Variants in LRFN2 observed in about 807,000 individuals in gnomAD.
The protein encoded by LRFN2 is leucine rich repeat and fibronectin type III domain containing 2, also known as leucine-rich repeat and fibronectin type-III domain-containing protein 2.
LRFN2 carries 18 observed loss-of-function variants against 37.3 expected under a neutral mutation model. That is an observed-to-expected ratio of 0.48 (90% CI 0.33 to 0.72). LRFN2 has a LOEUF of 0.72. LRFN2 is among the 30% of genes least tolerant of loss of function. The pLI is 0.02. For synonymous variants in LRFN2, 556 were observed against 466.6 expected (o/e 1.19, Z -2.47); for missense variants, 1,006 against 1,060.7 (o/e 0.95, Z 0.72).
At chr6:40,503,526 G>A (rs191027355) in intron 1 of LRFN2, among the ~76,000 whole-genome samples, 100 of 152,310 alleles carry the variant, frequency 6.6e-4, no homozygotes, top group African/African-American at 2.2e-3. Flanking sequence ...TAGCGTTTGG[G>A]GACTTTTAAG....
At chr6:40,458,564 T>C (rs913545953) in intron 1 of LRFN2, among the ~76,000 whole-genome samples, 2 of 152,182 alleles carry the variant, frequency 1.3e-5, no homozygotes, top group African/African-American at 4.8e-5. Flanking sequence ...AGCAGTGAGA[T>C]AGAGCAGAAT....
chr6:40,566,972 AC>A (rs1318719346), intron 1 of LRFN2, among the ~76,000 whole-genome samples: 1 of 152,182 alleles, frequency 6.6e-6, no homozygotes, highest in Admixed American at 6.5e-5. Context: ...AAAGAGAACC[AC>A]TTAAAGTATG....
chr6:40,530,874 C>A (rs1166713608), intron 1 of LRFN2, among the ~76,000 whole-genome samples: 1 of 152,130 alleles, frequency 6.6e-6, no homozygotes, highest in Non-Finnish European at 1.5e-5. Flanking sequence ...GCTGCTTCTC[C>A]CTTTGCCTTC....
chr6:40,456,569 T>C lies in LRFN2; in HGVS notation c.-18-23438A>G, dbSNP rs9462622. Among the ~76,000 whole-genome samples, 1,409 of 152,362 alleles carry C rather than the reference T, an allele frequency of 9.2e-3. 28 individuals carry two copies. The highest frequency in any genetic ancestry group is 0.032 in the African/African-American group (1,326 of 41,580). Reference sequence around the variant, plus strand: ...TGATCGTGCTGCTGCTGCGTGGCAATGCCTTGTGTTTGCACAGCCCTTTAA... The same window carrying C: ...TGATCGTGCTGCTGCTGCGTGGCAACGCCTTGTGTTTGCACAGCCCTTTAA... On this transcript the variant is annotated intron_variant, in intron 1 of 2. Transcript: ENST00000338305.
At chr6:40,488,561 A>G (rs886177467) in intron 1 of LRFN2, among the ~76,000 whole-genome samples, 1 of 152,128 alleles carries the variant, frequency 6.6e-6, no homozygotes, top group Admixed American at 6.5e-5. Context: ...ACCACACCTT[A>G]GGCAGCTGCC....
At chr6:40,413,932 A>G (rs183201593) in intron 2 of LRFN2, among the ~76,000 whole-genome samples, 79 of 152,228 alleles carry the variant, frequency 5.2e-4, no homozygotes, top group Middle Eastern at 6.8e-3. Flanking sequence ...GGTTGTTAGT[A>G]GATTGGGCGA....
chr6:40,483,990 G>C (rs529692864), intron 1 of LRFN2, among the ~76,000 whole-genome samples: 1 of 152,066 alleles, frequency 6.6e-6, no homozygotes, highest in Non-Finnish European at 1.5e-5. Flanking sequence ...CCAGGAGTGC[G>C]GGCTGTCTTA....
chr6:40,404,229 C>T (rs1199296143), intron 2 of LRFN2, among the ~76,000 whole-genome samples: 1 of 152,144 alleles, frequency 6.6e-6, no homozygotes, highest in Non-Finnish European at 1.5e-5. Context: ...TTGTCTTTCT[C>T]TCTGTCTACT....
At chr6:40,547,580 G>C (rs934439827) in intron 1 of LRFN2, among the ~76,000 whole-genome samples, 1 of 152,084 alleles carries the variant, frequency 6.6e-6, no homozygotes, top group African/African-American at 2.4e-5. Context: ...CATTGTCCAG[G>C]AGGCTGGTCA....
chr6:40,414,351 C>T (rs1763048297), intron 2 of LRFN2, among the ~76,000 whole-genome samples: 1 of 152,174 alleles, frequency 6.6e-6, no homozygotes, highest in Non-Finnish European at 1.5e-5. Context: ...ACACCTCGGG[C>T]AGGCTTCTTC....
At chr6:40,427,771 C>T (rs1581696929) in intron 2 of LRFN2, among the ~76,000 whole-genome samples, 1 of 152,318 alleles carries the variant, frequency 6.6e-6, no homozygotes, top group East Asian at 1.9e-4. Flanking sequence ...CCTTTCCTGT[C>T]TTAGGCATCT....
chr6:40,464,090 T>A (rs1302946514), intron 1 of LRFN2, among the ~76,000 whole-genome samples: 1 of 152,200 alleles, frequency 6.6e-6, no homozygotes, highest in Non-Finnish European at 1.5e-5. Flanking sequence ...GTTCCACCAA[T>A]TCCCAGCTCA....
intron 2 of LRFN2, among the ~76,000 whole-genome samples, chr6:40,424,087 A>G (rs2113816959): frequency 6.6e-6 from 1 of 152,326 alleles, no homozygotes; most frequent in East Asian, 1.9e-4. Flanking sequence ...TGATGCCTCT[A>G]GCAACTTTGT....
At chr6:40,519,335 A>G (rs1290829892) in intron 1 of LRFN2, among the ~76,000 whole-genome samples, 2 of 152,206 alleles carry the variant, frequency 1.3e-5, no homozygotes, top group African/African-American at 2.4e-5. Context: ...GGACTCAAAC[A>G]CTGGTATGGT....
intron 1 of LRFN2, among the ~76,000 whole-genome samples, chr6:40,490,650 G>T (rs1419366832): frequency 1.3e-5 from 2 of 152,162 alleles, no homozygotes; most frequent in African/African-American, 4.8e-5. Flanking sequence ...ACAGCATATG[G>T]CCCACTCTTA....
intron 1 of LRFN2, among the ~76,000 whole-genome samples, chr6:40,435,379 C>T (rs992863690): frequency 7.2e-5 from 11 of 151,838 alleles, no homozygotes; most frequent in African/African-American, 1.7e-4. Context: ...AGGCTGGTCT[C>T]GAACTTCTGG....
chr6:40,465,468 C>T (rs2099825200), intron 1 of LRFN2, among the ~76,000 whole-genome samples: 1 of 152,186 alleles, frequency 6.6e-6, no homozygotes, highest in African/African-American at 2.4e-5. Flanking sequence ...GCTTCTTGCC[C>T]TTCCTGCTCT....
At position 40,561,105 on chromosome 6, in the gene LRFN2, C is replaced by T. The variant is rs183299317; in HGVS notation, c.-19+25836G>A. ...GGTACCTTCAATGGGACCTCAGAGA[C>T]ATTGCAGTTTCTAGGGCCATGAGGT... On this transcript the variant is annotated intron_variant, in intron 1 of 2. Transcript: ENST00000338305. Among the ~76,000 whole-genome samples, 118 of 152,302 alleles carry T rather than the reference C, an allele frequency of 7.7e-4. 1 individual carries two copies. Among genetic ancestry groups the T allele is most frequent in the African/African-American group, 2.6e-3 (107 of 41,572 alleles).
At chr6:40,563,752 T>C (rs1211728805) in intron 1 of LRFN2, among the ~76,000 whole-genome samples, 8 of 152,142 alleles carry the variant, frequency 5.3e-5, no homozygotes, top group African/African-American at 1.7e-4. Context: ...AAGACAGATG[T>C]GGAAGTAGCT....
Sources: gnomAD v4.1 joint callset for allele counts (sites outside exome capture counted in the v4.1 genomes callset) on GRCh38, gnomAD v4.1.1 for gene constraint, MANE v1.5 for transcripts, NCBI Gene and HGNC (gene_info 2026-07-23, HGNC 2026-07-21) for gene names.